L3MBTL4: variants seen among roughly 807,000 people sequenced by gnomAD.
L3MBTL4 encodes the protein L3MBTL histone methyl-lysine binding protein 4.
L3MBTL4 carries 70 observed loss-of-function variants against 84.5 expected under a neutral mutation model. That is an observed-to-expected ratio of 0.83 (90% CI 0.68 to 1.01). L3MBTL4 has a LOEUF of 1.01. Ranked by LOEUF, L3MBTL4 falls within the 50% of genes least tolerant of loss-of-function variation. The probability of loss-of-function intolerance (pLI) is 0.00; values close to 1 mark genes in which losing one functional copy is unlikely to be tolerated. For synonymous variants in L3MBTL4, 274 were observed against 259.8 expected, an observed-to-expected ratio of 1.05 and a Z score of -0.52; for missense variants, 715 against 754.8, an observed-to-expected ratio of 0.95 and a Z score of 0.62.
At chr18:6,337,905 G>A (rs1231336404) in intron 1 of L3MBTL4, among the ~76,000 whole-genome samples, 1 of 151,902 alleles carries the variant, frequency 6.6e-6, no homozygotes, top group East Asian at 1.9e-4. Context: ...TGGAGAGGAA[G>A]GAGAAGGGAA....
chr18:6,155,782 T>G (rs1327864066), intron 13 of L3MBTL4, among the ~76,000 whole-genome samples: 1 of 152,182 alleles, frequency 6.6e-6, no homozygotes, highest in Non-Finnish European at 1.5e-5. Flanking sequence ...ATTTGCAACT[T>G]CTTGATTCTT....
At chr18:5,962,572 C>T (rs1230478965) in intron 17 of L3MBTL4, among the ~76,000 whole-genome samples, 3 of 152,198 alleles carry the variant, frequency 2.0e-5, no homozygotes, top group Non-Finnish European at 4.4e-5. Flanking sequence ...GCAGAGCTTT[C>T]ACGCTGACTG....
intron 16 of L3MBTL4, among the ~76,000 whole-genome samples, chr18:6,070,486 T>A (rs2057548666): frequency 6.7e-6 from 1 of 148,750 alleles, no homozygotes; most frequent in Non-Finnish European, 1.5e-5. Context: ...GAAAAAAGGA[T>A]ATTTCTGGAC....
At chr18:6,395,551 C>T (rs181609333) in intron 1 of L3MBTL4, 31 of 152,246 alleles carry the variant, frequency 2.0e-4, no homozygotes, top group African/African-American at 7.2e-4. Flanking sequence ...AAATACCCAA[C>T]TTACTGTTCT....
At chr18:6,283,186 T>C (rs925689118) in intron 4 of L3MBTL4, among the ~76,000 whole-genome samples, 1 of 152,232 alleles carries the variant, frequency 6.6e-6, no homozygotes, top group Non-Finnish European at 1.5e-5. Context: ...TTCAACTTAC[T>C]AAAGGCCAAG....
intron 12 of L3MBTL4, among the ~76,000 whole-genome samples, chr18:6,211,885 G>A (rs2046121141): frequency 1.3e-5 from 2 of 152,144 alleles, no homozygotes; most frequent in Admixed American, 1.3e-4. Context: ...CTGACCTCAG[G>A]TGATACGCCC....
At chr18:5,985,502 C>A (rs1482184204) in intron 16 of L3MBTL4, among the ~76,000 whole-genome samples, 1 of 152,026 alleles carries the variant, frequency 6.6e-6, no homozygotes, top group East Asian at 1.9e-4. Context: ...AAAGGAGGCA[C>A]AAAAAGGGAA....
chr18:6,333,497 C>G (rs552109734), intron 1 of L3MBTL4, among the ~76,000 whole-genome samples: 26 of 151,898 alleles, frequency 1.7e-4, no homozygotes, highest in Non-Finnish European at 3.4e-4. Flanking sequence ...ATCAATTGAA[C>G]CTGGGAGGCG....
Position 6,253,201 on chromosome 18 carries a change from A to AAAAC in L3MBTL4, c.220-8617_220-8614dup, listed in dbSNP as rs144665524. Reference sequence around the variant, plus strand: ...TGGCAACAGAGCAAGACTCCGTCTCAAAACAAACAAACAAACAAACAAAAA... The same window carrying AAAAC: ...TGGCAACAGAGCAAGACTCCGTCTCAAAACAAACAAACAAACAAACAAACAAAAA... On this transcript the variant is annotated intron_variant, in intron 5 of 18. Transcript: ENST00000317931. Among the ~76,000 whole-genome samples the AAAAC allele has an allele frequency of 5.6e-4, 85 of 152,020 alleles. 1 individual carries two copies. Among genetic ancestry groups the AAAAC allele is most frequent in the African/African-American group, 1.9e-3 (80 of 41,352 alleles).
At position 6,070,693 on chromosome 18, in the gene L3MBTL4, C is replaced by T. The variant is rs140025073; in HGVS notation, c.1444+10188G>A. 3.1e-3 allele frequency among the ~76,000 whole-genome samples: 477 copies of T among 152,084 alleles called. 2 individuals carry two copies. The highest frequency in any genetic ancestry group is 0.011 in the African/African-American group (458 of 41,488). Reference sequence around the variant, plus strand: ...AAAAAACAAAAAAAACAAAAATTAGCCGGGCATGGTGGCACACACCTGTAG... The same window carrying T: ...AAAAAACAAAAAAAACAAAAATTAGTCGGGCATGGTGGCACACACCTGTAG... On this transcript the variant is annotated intron_variant, in intron 16 of 18. Coordinates refer to ENST00000317931, the MANE Select transcript of L3MBTL4 (RefSeq NM_001330559.2).
intron 14 of L3MBTL4, among the ~76,000 whole-genome samples, chr18:6,098,455 T>A (rs1278562382): frequency 1.3e-5 from 2 of 152,194 alleles, no homozygotes; most frequent in South Asian, 4.1e-4. Flanking sequence ...GCATGACAAA[T>A]TTAAGCAAAA....
intron 3 of L3MBTL4, among the ~76,000 whole-genome samples, chr18:6,310,245 C>G (rs2050768158): frequency 6.6e-6 from 1 of 152,156 alleles, no homozygotes; most frequent in South Asian, 2.1e-4. Flanking sequence ...GCAGGCCTGC[C>G]CAAGTCTGGT....
At chr18:6,410,107 G>C (rs191518499) in intron 1 of L3MBTL4, among the ~76,000 whole-genome samples, 1 of 152,116 alleles carries the variant, frequency 6.6e-6, no homozygotes, top group Non-Finnish European at 1.5e-5. Flanking sequence ...AGTCCTTAAC[G>C]AGGTCTTCCA....
intron 4 of L3MBTL4, among the ~76,000 whole-genome samples, chr18:6,268,335 A>G (rs919385521): frequency 1.3e-5 from 2 of 152,170 alleles, no homozygotes; most frequent in Non-Finnish European, 2.9e-5. Context: ...TGAACCCGGG[A>G]GGCAGAGATT....
intron 16 of L3MBTL4, among the ~76,000 whole-genome samples, chr18:6,019,590 G>T (rs2055158023): frequency 1.3e-5 from 2 of 152,168 alleles, no homozygotes; most frequent in Non-Finnish European, 2.9e-5. Context: ...CTAGGTGCCA[G>T]GTTTCATATA....
intron 1 of L3MBTL4, among the ~76,000 whole-genome samples, chr18:6,383,320 G>T (rs1399066549): frequency 6.6e-6 from 1 of 152,080 alleles, no homozygotes; most frequent in East Asian, 1.9e-4. Flanking sequence ...GAGAGTGAAT[G>T]GTTCTGTCTT....
intron 16 of L3MBTL4, among the ~76,000 whole-genome samples, chr18:6,056,174 C>T (rs928902202): frequency 2.0e-5 from 3 of 152,012 alleles, no homozygotes; most frequent in African/African-American, 7.2e-5. Context: ...GAAGAAATTT[C>T]TGGCCAAGCA....
At chr18:6,239,227 G>A (rs2047348708) in intron 9 of L3MBTL4, among the ~76,000 whole-genome samples, 1 of 150,566 alleles carries the variant, frequency 6.6e-6, no homozygotes, top group South Asian at 2.1e-4. Context: ...TGTAGTCCCA[G>A]CTACTTGGGA....
At chr18:6,240,891 C>T (rs928416603) in intron 8 of L3MBTL4, among the ~76,000 whole-genome samples, 3 of 152,256 alleles carry the variant, frequency 2.0e-5, no homozygotes, top group Middle Eastern at 3.4e-3. Flanking sequence ...TCTGGGGACA[C>T]GGATGGCATA....
Sources: allele counts gnomAD v4.1 joint callset (sites outside exome capture counted in the v4.1 genomes callset), GRCh38; gene constraint gnomAD v4.1.1; transcripts MANE v1.5; gene names NCBI Gene and HGNC (gene_info 2026-07-23, HGNC 2026-07-21).